Variants in CUL3 observed in about 807,000 individuals in gnomAD.
CUL3 encodes the protein cullin-3.
Under a neutral mutation model 89.1 loss-of-function variants are expected in CUL3, and 19 were observed. The observed-to-expected ratio is 0.21, with a 90% CI of 0.15 to 0.31. CUL3 has a LOEUF of 0.31. Among genes scored for constraint, CUL3 ranks in the 10% least tolerant of loss-of-function variants. The pLI, the probability that CUL3 is intolerant of heterozygous loss-of-function variation, is 1.00. For synonymous variants in CUL3, 351 were observed against 308.4 expected (o/e 1.14, Z -1.45); for missense variants, 469 against 942.3 (o/e 0.50, Z 6.58).
chr2:224,551,426 C>T (rs938113359), intron 2 of CUL3, among the ~76,000 whole-genome samples: 2 of 151,914 alleles, frequency 1.3e-5, no homozygotes, highest in Admixed American at 6.6e-5. Context: ...AGGATGGTCT[C>T]GATCTCCTGA....
chr2:224,554,622 C>A (rs1221851830), intron 2 of CUL3, among the ~76,000 whole-genome samples: 1 of 152,128 alleles, frequency 6.6e-6, no homozygotes, highest in Non-Finnish European at 1.5e-5. Context: ...GTAAAACAGA[C>A]ATAATAGTAG....
intron 1 of CUL3, among the ~76,000 whole-genome samples, chr2:224,559,336 C>G (rs915717036): frequency 1.4e-4 from 22 of 151,732 alleles, no homozygotes; most frequent in African/African-American, 5.3e-4. Context: ...TGCCTATAGT[C>G]CCAGCTACCC....
chr2:224,564,423 AGT>A (rs1694989904), intron 1 of CUL3, among the ~76,000 whole-genome samples: 1 of 152,246 alleles, frequency 6.6e-6, no homozygotes, highest in Non-Finnish European at 1.5e-5. Flanking sequence ...TCACATAGGC[AGT>A]GTATCATCTC....
intron 10 of CUL3, among the ~76,000 whole-genome samples, chr2:224,502,304 C>T (rs1401492847): frequency 1.3e-5 from 2 of 152,104 alleles, no homozygotes; most frequent in African/African-American, 4.8e-5. Context: ...AAAAACTGTA[C>T]AATTCTCTAA....
rs1277010464 is a variant in CUL3 at position 224,585,038 on chromosome 2, T to A, written c.-29A>T. 1 of 1,476,930 alleles carries A rather than the reference T, an allele frequency of 6.8e-7. No homozygotes were observed. The highest frequency in any genetic ancestry group is 2.9e-5 in the East Asian group (1 of 34,644). 91.5% of individuals were successfully genotyped at this position (1,476,930 alleles called of 1,614,324 possible). ...GCTCGTCCCCTCCCCGGCGGCGGCT[T>A]CAGGTCGCGCTCCGCGACGCCGGTG... is the stretch of plus-strand genomic sequence containing the variant. On this transcript the variant is annotated 5_prime_UTR_variant, in exon 1 of 16. Coordinates refer to ENST00000264414, the MANE Select transcript of CUL3 (RefSeq NM_003590.5).
chr2:224,496,863 T>C (rs1261856175), intron 12 of CUL3, among the ~76,000 whole-genome samples: 1 of 152,148 alleles, frequency 6.6e-6, no homozygotes, highest in African/African-American at 2.4e-5. Flanking sequence ...AACATGATTA[T>C]TTAGGGAAAA....
intron 2 of CUL3, among the ~76,000 whole-genome samples, chr2:224,542,081 G>A (rs1251717022): frequency 6.6e-6 from 1 of 152,032 alleles, no homozygotes; most frequent in African/African-American, 2.4e-5. Flanking sequence ...TGAAAATTGG[G>A]CCCTGTTTCC....
At chr2:224,529,481 T>G (rs949408956) in intron 3 of CUL3, among the ~76,000 whole-genome samples, 55 of 134,282 alleles carry the variant, frequency 4.1e-4, no homozygotes, top group Admixed American at 3.7e-3. Context: ...AAAAAAAAAT[T>G]AGCCGGGTGT....
At chr2:224,572,144 C>T (rs1695195025) in intron 1 of CUL3, among the ~76,000 whole-genome samples, 1 of 152,110 alleles carries the variant, frequency 6.6e-6, no homozygotes, top group South Asian at 2.1e-4. Flanking sequence ...GAGAAAAGAG[C>T]TTTTAACCAG....
chr2:224,500,396 G>A lies in CUL3; in HGVS notation c.1577C>T (p.Pro526Leu). 2 of 1,614,026 alleles carry A rather than the reference G, an allele frequency of 1.2e-6. No individual in the cohort carries two copies. The highest frequency in any genetic ancestry group is 1.7e-6 in the Non-Finnish European group (2 of 1,179,974). Residue 526 changes from proline to leucine, a missense_variant, in exon 11 of 16, where the codon CCA (proline) becomes CTA (leucine). Physicochemically the swap from Pro to Leu is moderately conservative, Grantham distance 98. This residue lies in a region of CUL3 where 370 missense variants were observed against 733.2 expected (regional missense o/e 0.50). Coordinates refer to ENST00000264414, the MANE Select transcript of CUL3 (RefSeq NM_003590.5). ...TATCTCAAAAGCATGTCTTGGTGCT[G>A]GTGGGATGTTGCACTTTGGTGTGGC... ...QSATPKCNIP[P>L]APRHAFEIFR...
At chr2:224,561,338 G>A (rs921640549) in intron 1 of CUL3, among the ~76,000 whole-genome samples, 32 of 152,290 alleles carry the variant, frequency 2.1e-4, no homozygotes, top group African/African-American at 7.7e-4. Context: ...AAGCAACATT[G>A]ATCAGCTTCA....
chr2:224,490,621 C>G (rs1448555325), intron 13 of CUL3, among the ~76,000 whole-genome samples: 1 of 151,534 alleles, frequency 6.6e-6, no homozygotes, highest in Non-Finnish European at 1.5e-5. Flanking sequence ...CTGGACCCTA[C>G]AGGGTGATGG....
chr2:224,551,068 C>CTTTTT (rs771053112), intron 2 of CUL3, among the ~76,000 whole-genome samples: 2 of 141,336 alleles, frequency 1.4e-5, no homozygotes, highest in Admixed American at 7.2e-5. Flanking sequence ...TAGCCTCCAG[C>CTTTTT]TTTTTTTTTT....
intron 2 of CUL3, among the ~76,000 whole-genome samples, chr2:224,541,091 T>G (rs1243727284): frequency 6.6e-6 from 1 of 151,652 alleles, no homozygotes; most frequent in African/African-American, 2.4e-5. Context: ...GCATAATTTA[T>G]AAAAGAAAAA....
At chr2:224,583,992 T>C (rs930663051) in intron 1 of CUL3, among the ~76,000 whole-genome samples, 10 of 152,252 alleles carry the variant, frequency 6.6e-5, no homozygotes, top group Non-Finnish European at 1.2e-4. Context: ...GTATGCCTTT[T>C]ATTGTAGCGA....
At chr2:224,554,355 A>G (rs1431041558) in intron 2 of CUL3, among the ~76,000 whole-genome samples, 1 of 152,200 alleles carries the variant, frequency 6.6e-6, no homozygotes, top group Non-Finnish European at 1.5e-5. Flanking sequence ...TTCCAACTCC[A>G]TTATTAAGTA....
At chr2:224,502,194 T>C (rs544699220) in intron 10 of CUL3, among the ~76,000 whole-genome samples, 1 of 152,220 alleles carries the variant, frequency 6.6e-6, no homozygotes, top group South Asian at 2.1e-4. Flanking sequence ...GTAGAAGTGA[T>C]GATCTCATAT....
At chr2:224,482,589 A>T (rs893993337) in intron 13 of CUL3, among the ~76,000 whole-genome samples, 5 of 147,926 alleles carry the variant, frequency 3.4e-5, no homozygotes, top group Non-Finnish European at 7.5e-5. Flanking sequence ...CCAAATGAAG[A>T]AAAAAAAAAA....
chr2:224,518,538 A>T (rs554074014), intron 3 of CUL3, among the ~76,000 whole-genome samples: 15 of 152,262 alleles, frequency 9.9e-5, no homozygotes, highest in African/African-American at 3.6e-4. Context: ...TCTAAGGGGG[A>T]TCTATCACTT....
Sources: gnomAD v4.1 joint callset for allele counts (sites outside exome capture counted in the v4.1 genomes callset) on GRCh38, gnomAD v4.1.1 for gene constraint, gnomAD v4.1.1 regional missense constraint, MANE v1.5 for transcripts, NCBI Gene and HGNC (gene_info 2026-07-23, HGNC 2026-07-21) for gene names.